ADGB: variants seen among roughly 807,000 people sequenced by gnomAD.
The protein encoded by ADGB is androglobin, also known as calpain-7-like protein.
In ADGB, 172 loss-of-function variants were observed where a neutral mutation model predicts 210.5. The observed-to-expected ratio is 0.82, with a 90% confidence interval of 0.72 to 0.93. The LOEUF is 0.93. Ranked by LOEUF, ADGB falls within the 40% of genes least tolerant of loss-of-function variation. The pLI, the probability that ADGB is intolerant of heterozygous loss-of-function variation, is 0.00. For missense variants in ADGB, 2,025 were observed against 1,964.8 expected (o/e 1.03, Z -0.58); for synonymous variants, 658 against 662.7 (o/e 0.99, Z 0.11).
At chr6:146,700,002 T>G (rs1776466964) in intron 12 of ADGB, among the ~76,000 whole-genome samples, 1 of 152,214 alleles carries the variant, frequency 6.6e-6, no homozygotes, top group African/African-American at 2.4e-5. Context: ...TATTCACTGC[T>G]TGAATCTGTT....
At chr6:146,705,092 G>T (rs998944503) in intron 13 of ADGB, among the ~76,000 whole-genome samples, 1 of 151,878 alleles carries the variant, frequency 6.6e-6, no homozygotes, top group Non-Finnish European at 1.5e-5. Flanking sequence ...TATTGTAAAT[G>T]GAATTATTTT....
chr6:146,680,121 T>C (rs1187512972), intron 9 of ADGB, among the ~76,000 whole-genome samples: 1 of 152,194 alleles, frequency 6.6e-6, no homozygotes, highest in Non-Finnish European at 1.5e-5. Context: ...AACACAGTTT[T>C]GCTATATTTT....
chr6:146,736,668 G>A, intron 23 of ADGB, 77 bp downstream of exon 23: 1 of 913,048 alleles, frequency 1.1e-6, no homozygotes. Context: ...TACCATATTT[G>A]TTGAGAGCGC....
At chr6:146,751,345 G>A (rs981684145) in intron 26 of ADGB, among the ~76,000 whole-genome samples, 1 of 152,038 alleles carries the variant, frequency 6.6e-6, no homozygotes, top group Admixed American at 6.6e-5. Flanking sequence ...ATTCCATGGT[G>A]CATATGTACC....
At chr6:146,622,939 G>A (rs1209927511) in intron 1 of ADGB, among the ~76,000 whole-genome samples, 1 of 151,820 alleles carries the variant, frequency 6.6e-6, no homozygotes, top group Non-Finnish European at 1.5e-5. Context: ...CAATGTTTTA[G>A]CACCATTTGT....
intron 1 of ADGB, among the ~76,000 whole-genome samples, chr6:146,627,446 A>T (rs1358901562): frequency 1.3e-5 from 2 of 151,948 alleles, no homozygotes; most frequent in African/African-American, 4.8e-5. Flanking sequence ...AAACAGTCTG[A>T]TTCTTTCATA....
chr6:146,715,513 C>G (rs1776719704), intron 14 of ADGB, 98 bp downstream of exon 14: 1 of 763,818 alleles, frequency 1.3e-6, no homozygotes, highest in African/African-American at 1.9e-5. Context: ...TCTCAGCAGC[C>G]TTTCTTCAGT....
intron 13 of ADGB, among the ~76,000 whole-genome samples, chr6:146,711,708 T>C (rs58047878): frequency 2.0e-5 from 3 of 152,144 alleles, no homozygotes; most frequent in Non-Finnish European, 4.4e-5. Context: ...CTTTGTCTTT[T>C]AATTTTAAGC....
chr6:146,599,625 A>G (rs1780523251), intron 1 of ADGB, among the ~76,000 whole-genome samples: 1 of 152,178 alleles, frequency 6.6e-6, no homozygotes, highest in Non-Finnish European at 1.5e-5. Context: ...ACCTTAAAAC[A>G]TTATAAATGT....
intron 2 of ADGB, among the ~76,000 whole-genome samples, chr6:146,641,778 G>A (rs1775518789): frequency 2.0e-5 from 3 of 151,952 alleles, no homozygotes; most frequent in Admixed American, 2.0e-4. Flanking sequence ...AGACTTAAAT[G>A]TAACACCCAA....
At chr6:146,688,885 A>T (rs1463261044) in intron 10 of ADGB, among the ~76,000 whole-genome samples, 4 of 152,192 alleles carry the variant, frequency 2.6e-5, no homozygotes, top group African/African-American at 7.2e-5. Context: ...CAGTAAGATC[A>T]GCAGGTAAAA....
chr6:146,624,205 GTTTTCTTT>G (rs1489964936), intron 1 of ADGB, among the ~76,000 whole-genome samples: 1 of 151,672 alleles, frequency 6.6e-6, no homozygotes, highest in African/African-American at 2.4e-5. Context: ...TGGGTCTGGA[GTTTTCTTT>G]GTGGAAAGAT....
chr6:146,678,650 G>T (rs565336188), intron 9 of ADGB, among the ~76,000 whole-genome samples: 2 of 152,170 alleles, frequency 1.3e-5, no homozygotes, highest in South Asian at 4.1e-4. Context: ...TATGACAACG[G>T]TCATTACAAT....
intron 33 of ADGB, among the ~76,000 whole-genome samples, chr6:146,799,459 G>A (rs902942210): frequency 6.6e-6 from 1 of 150,780 alleles, no homozygotes; most frequent in Admixed American, 6.6e-5. Context: ...GCTTGAACCA[G>A]GGAGGCGGAA....
At chr6:146,673,362 T>C (rs1215458463) in intron 8 of ADGB, among the ~76,000 whole-genome samples, 1 of 152,176 alleles carries the variant, frequency 6.6e-6, no homozygotes, top group Non-Finnish European at 1.5e-5. Flanking sequence ...TGCCTTGTTA[T>C]TCTTAAGATG....
intron 3 of ADGB, among the ~76,000 whole-genome samples, chr6:146,650,011 A>G (rs1207033683): frequency 6.6e-6 from 1 of 152,186 alleles, no homozygotes; most frequent in East Asian, 1.9e-4. Flanking sequence ...AATAGTTTTT[A>G]TCTAAGAACT....
intron 16 of ADGB, among the ~76,000 whole-genome samples, chr6:146,720,361 A>G (rs917295287): frequency 6.6e-6 from 1 of 152,206 alleles, no homozygotes; most frequent in Non-Finnish European, 1.5e-5. Context: ...ATTATTAATA[A>G]GTACTGTTAA....
intron 8 of ADGB, among the ~76,000 whole-genome samples, chr6:146,673,983 CT>C (rs1287147977): frequency 1.3e-5 from 2 of 152,148 alleles, no homozygotes; most frequent in African/African-American, 2.4e-5. Flanking sequence ...AAATGACGAG[CT>C]GCTGAATGAA....
rs571099162 is a variant in ADGB at position 146,665,971 on chromosome 6, C to T, written c.753-845C>T. ...TGAGGAGTTTAGACTAGTCTGGGAT[C>T]TATCCCAATAGACACTTATTATCTT... On this transcript the variant is annotated intron_variant, in intron 6 of 35. Coordinates refer to ENST00000397944, the MANE Select transcript of ADGB (RefSeq NM_024694.4). 3.3e-5 allele frequency among the ~76,000 whole-genome samples: 5 copies of T among 152,200 alleles called. No homozygotes were observed. The East Asian group carries it at 9.7e-4, about 29-fold the overall frequency.
Sources: allele counts gnomAD v4.1 joint callset (sites outside exome capture counted in the v4.1 genomes callset), GRCh38; gene constraint gnomAD v4.1.1; transcripts MANE v1.5; gene names NCBI Gene and HGNC (gene_info 2026-07-23, HGNC 2026-07-21).